The following SPNS2 variants were observed in gnomAD, a reference collection of about 807,000 sequenced individuals.
SPNS2 encodes SPNS lysolipid transporter 2, sphingosine-1-phosphate, also known as sphingosine-1-phosphate transporter SPNS2.
SPNS2 carries 37 observed loss-of-function variants against 57.6 expected under a neutral mutation model. The ratio of observed to expected loss-of-function variants is 0.64; its 90% CI spans 0.49 to 0.85. SPNS2 has a LOEUF of 0.85. Ranked by LOEUF, SPNS2 falls within the 40% of genes least tolerant of loss-of-function variation. SPNS2 has a pLI of 0.00. For missense variants in SPNS2, 831 were observed against 779.1 expected (o/e 1.07, Z -0.79); for synonymous variants, 440 against 346.9 (o/e 1.27, Z -2.98).
At chr17:4,532,124 G>A (rs982802496) in intron 5 of SPNS2, among the ~76,000 whole-genome samples, 5 of 151,410 alleles carry the variant, frequency 3.3e-5, no homozygotes. Context: ...CCATCCGTCC[G>A]TCTATCTATC....
rs576318871 is a variant in SPNS2 at position 4,536,432 on chromosome 17, T to TAG, written c.1607+6_1607+7insAG. ...CGCGCCAGGGCTGAGCAGCAGTGAG[T>TAG]GGGGGGGAGGGGAGGCCCTGCTGCA... On this transcript the variant is annotated splice_region_variant and intron_variant, in intron 11 of 12. Coordinates refer to ENST00000329078, the MANE Select transcript of SPNS2 (RefSeq NM_001124758.3). 5.7e-6 allele frequency: 9 copies of TAG among 1,578,354 alleles called. No homozygotes were observed. Among genetic ancestry groups the TAG allele is most frequent in the South Asian group, 1.1e-5 (1 of 90,206 alleles).
chr17:4,530,600 G>T (rs368572669), intron 3 of SPNS2, 32 bp from the exon 4 acceptor site: 10 of 1,592,346 alleles, frequency 6.3e-6, no homozygotes, highest in African/African-American at 1.3e-5. Flanking sequence ...GTGGGTAGTC[G>T]GTCCCCCAGC....
At chr17:4,507,215 A>G (rs1443545344) in intron 1 of SPNS2, among the ~76,000 whole-genome samples, 1 of 152,204 alleles carries the variant, frequency 6.6e-6, no homozygotes, top group Non-Finnish European at 1.5e-5. Flanking sequence ...TCCCAGCGTG[A>G]GCCAGCACTG....
At position 4,516,332 on chromosome 17, in the gene SPNS2, A is replaced by ACC. The variant is rs1904990466; in HGVS notation, c.436+3020_436+3021insCC. Reference sequence around the variant, plus strand: ...CTATCTCCCCAAAAAAAAAAAAAAAAAAAAAAAAAAACAAAAAAACCGCTC... The same window carrying ACC: ...CTATCTCCCCAAAAAAAAAAAAAAAACCAAAAAAAAAAACAAAAAAACCGCTC... On this transcript the variant is annotated intron_variant, in intron 2 of 12. Transcript: ENST00000329078. Among the ~76,000 whole-genome samples, 27 of 127,530 alleles carry ACC rather than the reference A, an allele frequency of 2.1e-4. 1 individual carries two copies. Among genetic ancestry groups the ACC allele is most frequent in the Middle Eastern group, 3.8e-3 (1 of 260 alleles). The allele number at this position is 127,530 out of a possible 152,430, so 83.7% of individuals were successfully genotyped here.
intron 1 of SPNS2, among the ~76,000 whole-genome samples, chr17:4,502,569 C>T (rs111976105): frequency 6.6e-6 from 1 of 152,132 alleles, no homozygotes; most frequent in African/African-American, 2.4e-5. Context: ...TGCCAGAGTT[C>T]GAGCCAAGGC....
At chr17:4,537,228 G>A (rs1472210080) in intron 12 of SPNS2, among the ~76,000 whole-genome samples, 2 of 151,910 alleles carry the variant, frequency 1.3e-5, no homozygotes, top group African/African-American at 4.9e-5. Context: ...TCCTCACTCT[G>A]TCCGGACTTC....
intron 2 of SPNS2, among the ~76,000 whole-genome samples, chr17:4,517,271 C>T (rs1905019909): frequency 6.6e-6 from 1 of 152,218 alleles, no homozygotes. Context: ...CTGGCAGAAG[C>T]AAATCCCAAA....
chr17:4,518,620 C>T (rs567143513), intron 2 of SPNS2, among the ~76,000 whole-genome samples: 1 of 152,302 alleles, frequency 6.6e-6, no homozygotes, highest in East Asian at 1.9e-4. Context: ...AAGCTGAAGG[C>T]TACTCAGGGC....
chr17:4,519,072 T>C (rs1261777121), intron 2 of SPNS2, among the ~76,000 whole-genome samples: 1 of 152,256 alleles, frequency 6.6e-6, no homozygotes, highest in Non-Finnish European at 1.5e-5. Context: ...GTCCCTTGGA[T>C]GGCAGAGCCT....
intron 1 of SPNS2, among the ~76,000 whole-genome samples, chr17:4,500,982 A>G (rs945910238): frequency 4.6e-5 from 7 of 152,194 alleles, no homozygotes; most frequent in African/African-American, 1.7e-4. Context: ...CGCATGCACC[A>G]TGCTGCCGGG....
chr17:4,514,684 T>C (rs1163646763), intron 2 of SPNS2, among the ~76,000 whole-genome samples: 2 of 152,222 alleles, frequency 1.3e-5, no homozygotes, highest in Non-Finnish European at 2.9e-5. Flanking sequence ...ACGCCTCCCC[T>C]ACCCCTTCCT....
rs1904821004 is a variant in SPNS2, at chr17:4,511,186, T to C, written c.371-2061T>C. Among the ~76,000 whole-genome samples, 1 of 152,188 alleles carries C rather than the reference T, an allele frequency of 6.6e-6. No homozygotes were observed. Among genetic ancestry groups the C allele is most frequent in the Admixed American group, 6.5e-5 (1 of 15,282 alleles). The stretch of plus-strand genomic sequence containing the variant: ...CCACTCATCCTGGTAGGCCCAGTGC[T>C]AAAACGAGTTTGGACAGGGGAAGAG... On this transcript the variant is annotated intron_variant, in intron 1 of 12. Transcript: ENST00000329078. The surrounding 1 kb of genome is among the most constrained non-coding windows in gnomAD (Gnocchi z 4.6).
At chr17:4,507,044 G>C (rs1318692291) in intron 1 of SPNS2, among the ~76,000 whole-genome samples, 3 of 152,356 alleles carry the variant, frequency 2.0e-5, no homozygotes, top group African/African-American at 7.2e-5. Flanking sequence ...CACTGGCTCA[G>C]GGACTGCCTT....
chr17:4,515,269 AG>A (rs1372914836), intron 2 of SPNS2, among the ~76,000 whole-genome samples: 2 of 152,320 alleles, frequency 1.3e-5, no homozygotes, highest in African/African-American at 4.8e-5. Flanking sequence ...TCATTCTTCC[AG>A]TAACCCTACG....
intron 2 of SPNS2, among the ~76,000 whole-genome samples, chr17:4,515,264 C>T (rs1904955934): frequency 6.6e-6 from 1 of 152,208 alleles, no homozygotes. Flanking sequence ...TTGTTTCATT[C>T]TTCCAGTAAC....
chr17:4,505,589 TG>T, intron 1 of SPNS2, among the ~76,000 whole-genome samples: 1 of 152,230 alleles, frequency 6.6e-6, no homozygotes, highest in Non-Finnish European at 1.5e-5. Context: ...GAGGGCACAG[TG>T]GCAGCTTTGC....
chr17:4,508,273 C>CTG (rs1272280112), intron 1 of SPNS2, among the ~76,000 whole-genome samples: 4 of 152,186 alleles, frequency 2.6e-5, no homozygotes, highest in Non-Finnish European at 4.4e-5. Context: ...GGCCTACAGC[C>CTG]TGTGATGTGT....
At position 4,499,185 on chromosome 17, in the gene SPNS2, C is replaced by T. The variant is rs1904374660; in HGVS notation, c.138C>T (p.Gly46=). The change falls in exon 1 of 13, where the codon GGC becomes GGT. Residue 46 remains glycine (G), a synonymous_variant. Transcript: ENST00000329078. This position sits in a 1 kb window ranked among gnomAD's most constrained non-coding sequence, Gnocchi z 5.2. ...GSGCCGARGA[G]GAGVSAAGDE... is the part of the protein sequence containing the mutation. ...GTTGCTGCGGGGCGCGGGGCGCGGG[C>T]GGCGCTGGAGTCTCGGCCGCGGGCG... 2.4e-6 allele frequency: 3 copies of T among 1,252,280 alleles called. No individual in the cohort carries two copies. The highest frequency in any genetic ancestry group is 3.1e-5 in the South Asian group (1 of 32,708). The allele number at this position is 1,252,280 out of a possible 1,614,324, so 77.6% of individuals were successfully genotyped here.
intron 9 of SPNS2, 104 bp from the exon 10 acceptor site, chr17:4,535,968 GGAGT>G (rs1905761917): frequency 1.2e-6 from 1 of 860,868 alleles, no homozygotes; most frequent in East Asian, 2.6e-5. Flanking sequence ...ACGTAGGGCA[GGAGT>G]GAGTCTGAGG....
Sources: gnomAD v4.1 joint callset for allele counts (sites outside exome capture counted in the v4.1 genomes callset) on GRCh38, gnomAD v4.1.1 for gene constraint, Gnocchi (gnomAD v3.1) non-coding constraint, MANE v1.5 for transcripts, NCBI Gene and HGNC (gene_info 2026-07-23, HGNC 2026-07-21) for gene names.